ANKRD40: variants seen among roughly 807,000 people sequenced by gnomAD.
ANKRD40 encodes the protein ankyrin repeat domain-containing protein 40.
ANKRD40 carries 24 observed loss-of-function variants against 35.5 expected under a neutral mutation model. That is an observed-to-expected ratio of 0.68 (90% CI 0.49 to 0.95). ANKRD40 has a LOEUF of 0.95. ANKRD40 is among the 40% of genes least tolerant of loss of function. The pLI, the probability that ANKRD40 is intolerant of heterozygous loss-of-function variation, is 0.00. For missense variants in ANKRD40, 361 were observed against 436.0 expected, an observed-to-expected ratio of 0.83 and a Z score of 1.53; for synonymous variants, 147 against 173.5, an observed-to-expected ratio of 0.85 and a Z score of 1.20.
rs1366385662 is a variant in ANKRD40 at position 50,695,864 on chromosome 17, T to A, written c.*133A>T. The A allele has an allele frequency of 9.4e-7, 1 of 1,063,070 alleles. No homozygotes were observed. The highest frequency in any genetic ancestry group is 1.3e-6 in the Non-Finnish European group (1 of 755,888). 65.9% of individuals were successfully genotyped at this position (1,063,070 alleles called of 1,614,324 possible). A position where few individuals can be genotyped will look rare whatever the true frequency, so the allele number is the denominator to read the frequency against. ...TCAGGGGCTTCCTACCTTGGCAGAA[T>A]GATGTTAGTATATACTATGCAGTGG... On this transcript the variant is annotated 3_prime_UTR_variant, in exon 5 of 5. Transcript: ENST00000285243.
intron 1 of ANKRD40, among the ~76,000 whole-genome samples, chr17:50,704,182 T>C (rs982994292): frequency 6.6e-6 from 1 of 151,934 alleles, no homozygotes; most frequent in Non-Finnish European, 1.5e-5. Flanking sequence ...ATCTTGGACA[T>C]GTTGAGTTTG....
intron 1 of ANKRD40, 170 bp from the exon 2 acceptor site, chr17:50,700,886 G>T (rs1968264980): frequency 1.8e-6 from 1 of 545,258 alleles, no homozygotes; most frequent in Non-Finnish European, 3.1e-6. Context: ...TATTTAATAT[G>T]CTTAAATTTT....
At chr17:50,698,778 T>C (rs1968229203) in intron 3 of ANKRD40, among the ~76,000 whole-genome samples, 1 of 152,198 alleles carries the variant, frequency 6.6e-6, no homozygotes, top group East Asian at 1.9e-4. Flanking sequence ...ACATGGTCTA[T>C]GGATTACAGA....
chr17:50,695,842 G>C lies in ANKRD40; in HGVS notation c.*155C>G. The C allele has an allele frequency of 1.2e-6, 1 of 833,598 alleles. No individual in the cohort carries two copies. Among genetic ancestry groups the C allele is most frequent in the Non-Finnish European group, 1.8e-6 (1 of 561,016 alleles). The allele number at this position is 833,598 out of a possible 1,614,324, so 51.6% of individuals were successfully genotyped here. On this transcript the variant is annotated 3_prime_UTR_variant, in exon 5 of 5. Coordinates refer to ENST00000285243, the MANE Select transcript of ANKRD40 (RefSeq NM_052855.4). ...GAGTGGCACCACTGCTTGGGGGTCAGGGGCTTCCTACCTTGGCAGAATGAT... is the reference window on the plus strand; with the variant it reads ...GAGTGGCACCACTGCTTGGGGGTCACGGGCTTCCTACCTTGGCAGAATGAT...
rs1168247697 is a variant in ANKRD40 at position 50,694,135 on chromosome 17, A to AAAAAAAAAAAAAG, written c.*1861_*1862insCTTTTTTTTTTTT. ...ACAAAGCAAGACTCCGTCTCAAAAA[A>AAAAAAAAAAAAAG]AAAAAGAAAAGAAACACCAGGGAGG... is the stretch of plus-strand genomic sequence containing the variant. On this transcript the variant is annotated 3_prime_UTR_variant, in exon 5 of 5. Coordinates refer to ENST00000285243, the MANE Select transcript of ANKRD40 (RefSeq NM_052855.4). The AAAAAAAAAAAAAG allele has an allele frequency of 8.6e-5, 13 of 150,846 alleles. 1 individual carries two copies. Among genetic ancestry groups the AAAAAAAAAAAAAG allele is most frequent in the African/African-American group, 3.2e-4 (13 of 41,192 alleles). 9.3% of individuals were successfully genotyped at this position (150,846 alleles called of 1,614,324 possible). A position where few individuals can be genotyped will look rare whatever the true frequency, so the allele number is the denominator to read the frequency against.
Position 50,695,881 on chromosome 17 carries a change from A to C in ANKRD40, c.*116T>G. On this transcript the variant is annotated 3_prime_UTR_variant, in exon 5 of 5. Transcript: ENST00000285243. ...TGGCAGAATGATGTTAGTATATACT[A>C]TGCAGTGGCACCAGAGGCCCTCCCG... 1.6e-6 allele frequency: 2 copies of C among 1,272,490 alleles called. No individual in the cohort carries two copies. Among genetic ancestry groups the C allele is most frequent in the Non-Finnish European group, 2.2e-6 (2 of 908,248 alleles). The allele number at this position is 1,272,490 out of a possible 1,614,324, so 78.8% of individuals were successfully genotyped here.
chr17:50,693,381 A>T lies in ANKRD40; in HGVS notation c.*2616T>A, dbSNP rs1382128613. 6.6e-6 allele frequency: 1 copy of T among 152,248 alleles called. No homozygotes were observed. Among genetic ancestry groups the T allele is most frequent in the Non-Finnish European group, 1.5e-5 (1 of 68,050 alleles). The allele number at this position is 152,248 out of a possible 1,614,324, so 9.4% of individuals were successfully genotyped here. ...AAAAATCCTTGTTATAAATTACACA[A>T]AGCATATAAAAATATTTCTCTGAAT... On this transcript the variant is annotated 3_prime_UTR_variant, in exon 5 of 5. Transcript: ENST00000285243.
At chr17:50,698,250 C>G (rs1336128350) in intron 3 of ANKRD40, among the ~76,000 whole-genome samples, 1 of 151,738 alleles carries the variant, frequency 6.6e-6, no homozygotes, top group Non-Finnish European at 1.5e-5. Flanking sequence ...CTTGCTGCCC[C>G]AGAAAGTAAG....
At chr17:50,703,337 TCCC>T (rs894392083) in intron 1 of ANKRD40, among the ~76,000 whole-genome samples, 20 of 151,904 alleles carry the variant, frequency 1.3e-4, no homozygotes, top group Admixed American at 6.6e-4. Flanking sequence ...CTGTCAACAT[TCCC>T]CCCATTTTAC....
In ANKRD40 at chr17:50,707,660, C is replaced by G; in HGVS notation, c.-6G>C. The G allele has an allele frequency of 6.5e-7, 1 of 1,544,116 alleles. No homozygotes were observed. ...TGCTCTAGGAGGGCGTTCATCTTCC[C>G]ACAGCCCCAGGCCCCCGCCCAGGCC... On this transcript the variant is annotated 5_prime_UTR_variant, in exon 1 of 5. Transcript: ENST00000285243. This position sits in a 1 kb window ranked among gnomAD's most constrained non-coding sequence, Gnocchi z 4.8.
At position 50,695,939 on chromosome 17, in the gene ANKRD40, C is replaced by T; in HGVS notation, c.*58G>A. 2.5e-6 allele frequency: 4 copies of T among 1,590,042 alleles called. No homozygotes were observed. Among genetic ancestry groups the T allele is most frequent in the Non-Finnish European group, 3.4e-6 (4 of 1,165,418 alleles). ...GAGGCATTTAGATCAATGGCTTGTC[C>T]TTGGCCCAGAGGTGATGCACACTGT... is the stretch of plus-strand genomic sequence containing the variant. On this transcript the variant is annotated 3_prime_UTR_variant, in exon 5 of 5. Transcript: ENST00000285243.
chr17:50,702,299 C>T (rs1277341681), intron 1 of ANKRD40, among the ~76,000 whole-genome samples: 3 of 151,950 alleles, frequency 2.0e-5, no homozygotes, highest in Non-Finnish European at 4.4e-5. Context: ...ACTGGGGAGG[C>T]TGAGGCAGGA....
intron 4 of ANKRD40, 108 bp downstream of exon 4, chr17:50,696,832 T>A: frequency 9.5e-7 from 1 of 1,056,090 alleles, no homozygotes; most frequent in Non-Finnish European, 1.3e-6. Flanking sequence ...CACTCTTTGC[T>A]CCTTTTCTAT....
intron 1 of ANKRD40, among the ~76,000 whole-genome samples, chr17:50,702,566 G>C (rs1226767878): frequency 6.6e-6 from 1 of 152,152 alleles, no homozygotes; most frequent in African/African-American, 2.4e-5. Context: ...AATGATAAGT[G>C]AGCCCTCAAA....
chr17:50,706,988 C>CTAT (rs1968348646), intron 1 of ANKRD40, among the ~76,000 whole-genome samples: 1 of 150,352 alleles, frequency 6.7e-6, no homozygotes. Flanking sequence ...CAGGCAACTA[C>CTAT]AGGCAGCAGC....
intron 3 of ANKRD40, among the ~76,000 whole-genome samples, chr17:50,697,374 G>A (rs1468219278): frequency 1.3e-5 from 2 of 152,172 alleles, no homozygotes; most frequent in African/African-American, 4.8e-5. Context: ...AGCAAGGCAG[G>A]GGAAACCATT....
At chr17:50,702,277 G>A (rs1364025379) in intron 1 of ANKRD40, among the ~76,000 whole-genome samples, 1 of 152,228 alleles carries the variant, frequency 6.6e-6, no homozygotes, top group Admixed American at 6.5e-5. Flanking sequence ...GTGCATGTCT[G>A]TAATCCCAGC....
rs149096918 is a variant in ANKRD40, at chr17:50,695,718, A to C, written c.*279T>G. 6.6e-6 allele frequency: 2 copies of C among 302,830 alleles called. No individual in the cohort carries two copies. The highest frequency in any genetic ancestry group is 1.2e-5 in the Non-Finnish European group (2 of 164,328). 18.8% of individuals were successfully genotyped at this position (302,830 alleles called of 1,614,324 possible). A position where few individuals can be genotyped will look rare whatever the true frequency, so the allele number is the denominator to read the frequency against. On this transcript the variant is annotated 3_prime_UTR_variant, in exon 5 of 5. Coordinates refer to ENST00000285243, the MANE Select transcript of ANKRD40 (RefSeq NM_052855.4). ...CTCTCTTACATTCTGGACATAAAAC[A>C]CACTGGATATAGAACCTTCAGCTTC...
At position 50,695,718 on chromosome 17, in the gene ANKRD40, A is replaced by G. The variant is rs149096918; in HGVS notation, c.*279T>C. The G allele has an allele frequency of 1.0e-3, 316 of 302,948 alleles. 1 individual carries two copies. The highest frequency in any genetic ancestry group is 6.1e-3 in the African/African-American group (287 of 46,884). The allele number at this position is 302,948 out of a possible 1,614,324, so 18.8% of individuals were successfully genotyped here. A position where few individuals can be genotyped will look rare whatever the true frequency, so the allele number is the denominator to read the frequency against. On this transcript the variant is annotated 3_prime_UTR_variant, in exon 5 of 5. Coordinates refer to ENST00000285243, the MANE Select transcript of ANKRD40 (RefSeq NM_052855.4). ...CTCTCTTACATTCTGGACATAAAAC[A>G]CACTGGATATAGAACCTTCAGCTTC...
Sources: gnomAD v4.1 joint callset for allele counts (sites outside exome capture counted in the v4.1 genomes callset) on GRCh38, gnomAD v4.1.1 for gene constraint, Gnocchi (gnomAD v3.1) non-coding constraint, MANE v1.5 for transcripts, NCBI Gene and HGNC (gene_info 2026-07-23, HGNC 2026-07-21) for gene names.